The following ZNF263 variants were observed in gnomAD, a reference collection of about 807,000 sequenced individuals.
ZNF263 encodes the protein zinc finger protein 263, also known as zinc finger protein FPM315.
ZNF263 carries 49 observed loss-of-function variants against 63.1 expected under a neutral mutation model. The ratio of observed to expected loss-of-function variants is 0.78; its 90% CI spans 0.62 to 0.99. The LOEUF (loss-of-function observed/expected upper bound fraction) is 0.99. Among genes scored for constraint, ZNF263 ranks in the 50% least tolerant of loss-of-function variants. The probability of loss-of-function intolerance (pLI) is 0.00; values close to 1 mark genes in which losing one functional copy is unlikely to be tolerated. For missense variants in ZNF263, 872 were observed against 854.8 expected (o/e 1.02, Z -0.25); for synonymous variants, 352 against 324.2 (o/e 1.09, Z -0.92).
At chr16:3,298,727 T>C (rs1378881388) in intron 1 of ZNF263, 1 of 307,588 alleles carries the variant, frequency 3.3e-6, no homozygotes, top group East Asian at 5.1e-5. Context: ...CATTCCACCT[T>C]AGATAATCTG....
downstream of ZNF263, among the ~76,000 whole-genome samples, chr16:3,291,944 T>A (rs935306177): frequency 1.3e-5 from 2 of 152,120 alleles, no homozygotes; most frequent in African/African-American, 4.8e-5. Context: ...AAGCATTATA[T>A]TTATTTTTTG....
chr16:3,283,742 C>T lies in ZNF263; in HGVS notation c.-77C>T. 1 of 1,430,190 alleles carries T rather than the reference C, an allele frequency of 7.0e-7. No individual in the cohort carries two copies. The highest frequency in any genetic ancestry group is 1.6e-5 in the South Asian group (1 of 64,422). The allele number at this position is 1,430,190 out of a possible 1,614,324, so 88.6% of individuals were successfully genotyped here. A position where few individuals can be genotyped will look rare whatever the true frequency, so the allele number is the denominator to read the frequency against. ...GCCCCGGGCTCCTGCTGGCGCCGTC[C>T]AACCTTACATGGGTTCAGGGCGCCT... is the stretch of plus-strand genomic sequence containing the variant. On this transcript the variant is annotated 5_prime_UTR_variant, in exon 1 of 6. Coordinates refer to ENST00000219069, the MANE Select transcript of ZNF263 (RefSeq NM_005741.5).
chr16:3,299,210 C>T (rs1959857833), intron 2 of ZNF263: 4 of 1,604,392 alleles, frequency 2.5e-6, no homozygotes, highest in Admixed American at 3.5e-5. Flanking sequence ...GTCTGCTTCT[C>T]AGCTTCTCCT....
chr16:3,299,301 C>A lies in ZNF263; in HGVS notation c.*46+145C>A. On this transcript the variant is annotated intron_variant, in intron 2 of 2. Coordinates refer to the ZNF263 transcript ENST00000574674. ...TTTCTTCATCTCCATTTAACCACAC[C>A]CTATCATCATCCAACTTAGTTTCCA... 6.2e-7 allele frequency: 1 copy of A among 1,608,690 alleles called. No homozygotes were observed. The highest frequency in any genetic ancestry group is 8.5e-7 in the Non-Finnish European group (1 of 1,178,094).
At position 3,283,716 on chromosome 16, in the gene ZNF263, G is replaced by A. The variant is rs910830198; in HGVS notation, c.-103G>A. On this transcript the variant is annotated 5_prime_UTR_variant, in exon 1 of 6. Transcript: ENST00000219069. Reference sequence around the variant, plus strand: ...TCCTCGGCCTGGACTGGGAGCCCCCGGCCCCGGGCTCCTGCTGGCGCCGTC... The same window carrying A: ...TCCTCGGCCTGGACTGGGAGCCCCCAGCCCCGGGCTCCTGCTGGCGCCGTC... 2.9e-6 allele frequency: 4 copies of A among 1,393,654 alleles called. No individual in the cohort carries two copies. The African/African-American group carries it at 5.9e-5, about 21-fold the overall frequency. 86.3% of individuals were successfully genotyped at this position (1,393,654 alleles called of 1,614,324 possible).
Position 3,290,706 on chromosome 16 carries a change from C to T in ZNF263, c.*148C>T, listed in dbSNP as rs1959582762. The T allele has an allele frequency of 7.0e-7, 1 of 1,432,306 alleles. No individual in the cohort carries two copies. The highest frequency in any genetic ancestry group is 2.5e-5 in the East Asian group (1 of 40,050). The allele number at this position is 1,432,306 out of a possible 1,614,324, so 88.7% of individuals were successfully genotyped here. On this transcript the variant is annotated 3_prime_UTR_variant, in exon 6 of 6. Coordinates refer to ENST00000219069, the MANE Select transcript of ZNF263 (RefSeq NM_005741.5). ...CATTGTGAGGGAGGTGCAGAGGCAG[C>T]AGAGGATTGGCATAAAACTGAAAAG...
rs1320898161 is a variant in ZNF263, at chr16:3,290,241, A to G, written c.1735A>G (p.Thr579Ala). The change falls in exon 6 of 6, where the codon ACT becomes GCT. Residue 579 changes from threonine (T) to alanine (A), a missense_variant. Thr to Ala is a moderately conservative substitution (Grantham distance 58). Transcript: ENST00000219069. The stretch of plus-strand genomic sequence containing the variant: ...AGAGAAGAAGCTCTTTGAATGTTTG[A>G]CTTGTGGGAAAAGCTTCCGGCAGGG... ...KAEKKLFECL[T>A]CGKSFRQGMH... 1 of 1,614,030 alleles carries G rather than the reference A, an allele frequency of 6.2e-7. No homozygotes were observed. The highest frequency in any genetic ancestry group is 1.3e-5 in the African/African-American group (1 of 74,908).
chr16:3,300,927 G>C (rs1475467912), exon 3 of ZNF263: 1 of 251,140 alleles, frequency 4.0e-6, no homozygotes, highest in African/African-American at 2.3e-5. Context: ...AACAGCCTCA[G>C]TCAGGAATGA....
At chr16:3,297,329 A>G (rs1959776761) in intron 1 of ZNF263, among the ~76,000 whole-genome samples, 2 of 151,660 alleles carry the variant, frequency 1.3e-5, no homozygotes, top group Non-Finnish European at 2.9e-5. Flanking sequence ...CATATTAGCC[A>G]GTAATGAAAA....
At chr16:3,301,340 G>C (rs1337992183) in exon 3 of ZNF263, 1 of 167,104 alleles carries the variant, frequency 6.0e-6, no homozygotes. Flanking sequence ...AAAGTAGTTT[G>C]TTGTACATAT....
At chr16:3,285,856 C>G (rs114293076) in intron 3 of ZNF263, 102 bp downstream of exon 3, 72 of 1,512,572 alleles carry the variant, frequency 4.8e-5, no homozygotes, top group African/African-American at 2.2e-4. Context: ...CTTACCACAG[C>G]GTCTCCCCCA....
At chr16:3,299,128 T>C in exon 2 of ZNF263, 1 of 1,473,916 alleles carries the variant, frequency 6.8e-7, no homozygotes, top group Non-Finnish European at 9.0e-7. Context: ...TCTCTGAAAC[T>C]CAGGTGTGGC....
intron 4 of ZNF263, 26 bp downstream of exon 4, chr16:3,286,175 T>A: frequency 1.3e-6 from 2 of 1,569,508 alleles, no homozygotes; most frequent in Non-Finnish European, 1.7e-6. Context: ...CCAGGGATGA[T>A]GACTGCGCCA....
At chr16:3,299,642 T>A (rs1183157498) in intron 2 of ZNF263, 7 of 1,564,196 alleles carry the variant, frequency 4.5e-6, no homozygotes, top group Non-Finnish European at 6.0e-6. Flanking sequence ...TGAATCAAGG[T>A]TGAAGTGTTA....
At chr16:3,293,092 C>G (rs555740373), downstream of ZNF263, 2 of 152,180 alleles carry the variant, frequency 1.3e-5, no homozygotes, top group Admixed American at 6.5e-5. Flanking sequence ...TGATACGGTT[C>G]GGCTCTGTGT....
At chr16:3,301,382 T>C (rs780586759) in exon 3 of ZNF263, 30 of 167,136 alleles carry the variant, frequency 1.8e-4, no homozygotes, top group Non-Finnish European at 3.4e-4. Context: ...GCATTCAATA[T>C]AGTATTGTCA....
intron 1 of ZNF263, among the ~76,000 whole-genome samples, chr16:3,298,155 T>G (rs1190926252): frequency 2.6e-5 from 4 of 152,202 alleles, no homozygotes; most frequent in African/African-American, 9.6e-5. Context: ...TAAGGGAAAC[T>G]CTCAGAAATA....
At position 3,291,444 on chromosome 16, in the gene ZNF263, T is replaced by C. The variant is rs1025103093; in HGVS notation, c.*886T>C. 11 of 985,300 alleles carry C rather than the reference T, an allele frequency of 1.1e-5. No individual in the cohort carries two copies. Among genetic ancestry groups the C allele is most frequent in the African/African-American group, 7.0e-5 (4 of 57,242 alleles). 61.0% of individuals were successfully genotyped at this position (985,300 alleles called of 1,614,324 possible). ...GAAAATGTTTGGATGGGAATAAATATCTTCAGGAAACATAAATGTCTGTGA... is the reference window on the plus strand; with the variant it reads ...GAAAATGTTTGGATGGGAATAAATACCTTCAGGAAACATAAATGTCTGTGA... On this transcript the variant is annotated 3_prime_UTR_variant, in exon 6 of 6. Coordinates refer to ENST00000219069, the MANE Select transcript of ZNF263 (RefSeq NM_005741.5).
In ZNF263 at chr16:3,291,381, A is replaced by C. The variant is rs1959607919; in HGVS notation, c.*823A>C. 1.0e-6 allele frequency: 1 copy of C among 985,284 alleles called. No individual in the cohort carries two copies. The highest frequency in any genetic ancestry group is 1.2e-6 in the Non-Finnish European group (1 of 829,912). 61.0% of individuals were successfully genotyped at this position (985,284 alleles called of 1,614,324 possible). ...ATTCCCTGGAAAATTGAAAATGTGA[A>C]TCCTAGGGGGAAATTGGGGATTGTG... On this transcript the variant is annotated 3_prime_UTR_variant, in exon 6 of 6. Coordinates refer to ENST00000219069, the MANE Select transcript of ZNF263 (RefSeq NM_005741.5).
Sources: gnomAD v4.1 joint callset for allele counts (sites outside exome capture counted in the v4.1 genomes callset) on GRCh38, gnomAD v4.1.1 for gene constraint, MANE v1.5 for transcripts, NCBI Gene and HGNC (gene_info 2026-07-23, HGNC 2026-07-21) for gene names.